SLC25A13: variants seen among roughly 807,000 people sequenced by gnomAD.
SLC25A13 encodes the protein solute carrier family 25 member 13, also known as electrogenic aspartate/glutamate antiporter SLC25A13, mitochondrial.
In SLC25A13, 70 loss-of-function variants were observed where a neutral mutation model predicts 85.5. That is an observed-to-expected ratio of 0.82 (90% CI 0.68 to 1.00). SLC25A13 has a LOEUF of 1.00. Ranked by LOEUF, SLC25A13 falls within the 50% of genes least tolerant of loss-of-function variation. The probability of loss-of-function intolerance (pLI) is 0.00; values close to 1 mark genes in which losing one functional copy is unlikely to be tolerated. For missense variants in SLC25A13, 765 were observed against 819.8 expected, an observed-to-expected ratio of 0.93 and a Z score of 0.82; for synonymous variants, 259 against 288.7, an observed-to-expected ratio of 0.90 and a Z score of 1.04.
At chr7:96,188,652 T>C (rs1217395470) in intron 9 of SLC25A13, among the ~76,000 whole-genome samples, 1 of 152,224 alleles carries the variant, frequency 6.6e-6, no homozygotes. Context: ...GAAAGCTGGG[T>C]AAGAGTTAAA....
chr7:96,301,628 TTTTG>T (rs1158670437), intron 1 of SLC25A13, among the ~76,000 whole-genome samples: 89 of 151,266 alleles, frequency 5.9e-4, no homozygotes, highest in Non-Finnish European at 5.7e-4. Flanking sequence ...GGTTTTGGTG[TTTTG>T]TTTTTTTTTT....
At chr7:96,191,422 C>T (rs1376203579) in intron 6 of SLC25A13, among the ~76,000 whole-genome samples, 175 bp from the exon 7 acceptor site, 1 of 151,996 alleles carries the variant, frequency 6.6e-6, no homozygotes, top group African/African-American at 2.4e-5. Flanking sequence ...TTTTTAGAAG[C>T]AACTGCAACT....
At chr7:96,294,286 G>A (rs976505260) in intron 2 of SLC25A13, among the ~76,000 whole-genome samples, 3 of 151,888 alleles carry the variant, frequency 2.0e-5, no homozygotes, top group Non-Finnish European at 2.9e-5. Flanking sequence ...GTTGTGGGGT[G>A]GGGGGAGGAG....
chr7:96,150,975 A>G (rs973536223), intron 13 of SLC25A13, among the ~76,000 whole-genome samples: 4 of 152,074 alleles, frequency 2.6e-5, no homozygotes, highest in African/African-American at 9.7e-5. Flanking sequence ...TAATTATATG[A>G]TAAGATCCAA....
In SLC25A13 at chr7:96,244,058, C is replaced by T. The variant is rs921559649; in HGVS notation, c.213-9141G>A. Among the ~76,000 whole-genome samples the T allele has an allele frequency of 5.9e-5, 9 of 152,222 alleles. No homozygotes were observed. In the East Asian group the frequency reaches 1.2e-3, roughly 20 times the overall value. ...CGGCTACAGTAGGCTAAACCTGGGT[C>T]GTAGCAAGAGAACCAAGGAGCAGTC... On this transcript the variant is annotated intron_variant, in intron 3 of 17. Coordinates refer to ENST00000265631, the MANE Select transcript of SLC25A13 (RefSeq NM_014251.3).
At chr7:96,277,370 A>G in intron 2 of SLC25A13, 32 bp from the exon 3 acceptor site, 1 of 1,582,400 alleles carries the variant, frequency 6.3e-7, no homozygotes. Flanking sequence ...AGTATTTTAT[A>G]TATTTGATTT....
chr7:96,132,601 G>A (rs547832161), intron 14 of SLC25A13, among the ~76,000 whole-genome samples: 3 of 152,240 alleles, frequency 2.0e-5, no homozygotes, highest in South Asian at 4.1e-4. Context: ...CAGAGGCCCC[G>A]CGAATTGATG....
intron 4 of SLC25A13, among the ~76,000 whole-genome samples, 185 bp downstream of exon 4, chr7:96,234,617 G>GT (rs1796675031): frequency 6.6e-6 from 1 of 151,790 alleles, no homozygotes; most frequent in South Asian, 2.1e-4. Flanking sequence ...CCAGAAACTT[G>GT]TTTTTTTCGA....
At chr7:96,177,545 CT>C (rs1406868895) in intron 11 of SLC25A13, among the ~76,000 whole-genome samples, 1 of 152,172 alleles carries the variant, frequency 6.6e-6, no homozygotes, top group Non-Finnish European at 1.5e-5. Context: ...TACCTAATCT[CT>C]TTGTATCTTA....
At chr7:96,280,379 T>C (rs936783000) in intron 2 of SLC25A13, among the ~76,000 whole-genome samples, 13 of 152,148 alleles carry the variant, frequency 8.5e-5, no homozygotes, top group African/African-American at 3.1e-4. Flanking sequence ...AGAATCATTA[T>C]CAAGTTGCTG....
intron 13 of SLC25A13, among the ~76,000 whole-genome samples, chr7:96,164,551 T>G (rs1401748472): frequency 6.6e-6 from 1 of 152,190 alleles, no homozygotes; most frequent in African/African-American, 2.4e-5. Context: ...CTCAGAGAAG[T>G]CAACTAAGTT....
chr7:96,317,772 A>G lies in SLC25A13; in HGVS notation c.15+4170T>C, dbSNP rs184187072. On this transcript the variant is annotated intron_variant, in intron 1 of 17. Coordinates refer to ENST00000265631, the MANE Select transcript of SLC25A13 (RefSeq NM_014251.3). ...CAATTCATTTTATTTATTTTATTCT[A>G]TTTTATTTTATTTTATTATTTTATT... 8.2e-5 allele frequency among the ~76,000 whole-genome samples: 12 copies of G among 147,088 alleles called. No individual in the cohort carries two copies. In the East Asian group the frequency reaches 2.4e-3, roughly 29 times the overall value.
chr7:96,222,874 C>T lies in SLC25A13; in HGVS notation c.328+11928G>A, dbSNP rs556741061. Among the ~76,000 whole-genome samples, 52 of 152,106 alleles carry T rather than the reference C, an allele frequency of 3.4e-4. 1 individual carries two copies. Among genetic ancestry groups the T allele is most frequent in the Non-Finnish European group, 6.5e-4 (44 of 68,024 alleles). ...ATTTTGTTTCTTCATATATCCAAAA[C>T]CAAAAGGCATCCAAAAACTGATTAT... On this transcript the variant is annotated intron_variant, in intron 4 of 17. Transcript: ENST00000265631.
chr7:96,127,171 G>A (rs1584342673), intron 15 of SLC25A13, among the ~76,000 whole-genome samples: 2 of 152,244 alleles, frequency 1.3e-5, no homozygotes. Flanking sequence ...TAAAATTTGA[G>A]TATTAGATAT....
intron 2 of SLC25A13, among the ~76,000 whole-genome samples, chr7:96,282,353 T>A (rs763415473): frequency 4.6e-5 from 7 of 152,180 alleles, no homozygotes; most frequent in Non-Finnish European, 1.0e-4. Flanking sequence ...AAGCTGTGAA[T>A]GAGCCAGGGT....
chr7:96,239,454 C>T (rs895813753), intron 3 of SLC25A13, among the ~76,000 whole-genome samples: 1 of 151,764 alleles, frequency 6.6e-6, no homozygotes, highest in Non-Finnish European at 1.5e-5. Context: ...ACGTAAGTTA[C>T]AACAAAGAAT....
At chr7:96,261,231 T>C (rs1274403867) in intron 3 of SLC25A13, among the ~76,000 whole-genome samples, 1 of 152,194 alleles carries the variant, frequency 6.6e-6, no homozygotes, top group Non-Finnish European at 1.5e-5. Context: ...TTAATAAATA[T>C]AACAACCTAC....
At chr7:96,143,751 C>A (rs1057496794) in intron 14 of SLC25A13, among the ~76,000 whole-genome samples, 1 of 152,160 alleles carries the variant, frequency 6.6e-6, no homozygotes, top group East Asian at 1.9e-4. Context: ...CAAGTCAATA[C>A]AGAAGAAAAA....
At chr7:96,244,277 G>C (rs1180721400) in intron 3 of SLC25A13, among the ~76,000 whole-genome samples, 1 of 152,096 alleles carries the variant, frequency 6.6e-6, no homozygotes, top group African/African-American at 2.4e-5. Flanking sequence ...AAGTCACTGA[G>C]GATATGGAAA....
Sources: allele counts gnomAD v4.1 joint callset (sites outside exome capture counted in the v4.1 genomes callset), GRCh38; gene constraint gnomAD v4.1.1; transcripts MANE v1.5; gene names NCBI Gene and HGNC (gene_info 2026-07-23, HGNC 2026-07-21).